The following PDE1C variants were observed in gnomAD, a reference collection of about 807,000 sequenced individuals.
PDE1C encodes the protein dual specificity calcium/calmodulin-dependent 3',5'-cyclic nucleotide phosphodiesterase 1C.
In PDE1C, 62 loss-of-function variants were observed where a neutral mutation model predicts 93.1. That is an observed-to-expected ratio of 0.67 (90% CI 0.54 to 0.82). The LOEUF (loss-of-function observed/expected upper bound fraction) is 0.82, where lower values mean the gene tolerates loss of function less well. Ranked by LOEUF, PDE1C falls within the 40% of genes least tolerant of loss-of-function variation. The pLI, the probability that PDE1C is intolerant of heterozygous loss-of-function variation, is 0.00. For missense variants in PDE1C, 742 were observed against 884.6 expected (o/e 0.84, Z 2.04); for synonymous variants, 325 against 310.1 (o/e 1.05, Z -0.50).
intron 1 of PDE1C, among the ~76,000 whole-genome samples, chr7:32,215,163 G>C (rs1806338501): frequency 6.6e-6 from 1 of 151,720 alleles, no homozygotes; most frequent in Non-Finnish European, 1.5e-5. Context: ...GTGCAGCGGG[G>C]ACCGAGCATC....
intron 1 of PDE1C, among the ~76,000 whole-genome samples, chr7:32,333,366 C>T (rs11764802): frequency 0.075 from 11,422 of 152,076 alleles, 492 homozygotes; most frequent in Non-Finnish European, 0.092. Context: ...TTTAAACAAG[C>T]GTATATGTAC....
intron 1 of PDE1C, among the ~76,000 whole-genome samples, chr7:32,306,811 A>G (rs1392745481): frequency 1.3e-5 from 2 of 152,226 alleles, no homozygotes; most frequent in Non-Finnish European, 2.9e-5. Context: ...TAAAACACAT[A>G]CAAGAGGACT....
the PDE1C span, among the ~76,000 whole-genome samples, chr7:31,637,386 T>C: frequency 1.3e-5 from 2 of 152,208 alleles, no homozygotes; most frequent in African/African-American, 4.8e-5. Flanking sequence ...CTCCACATCC[T>C]CTCCAGCACC....
At chr7:32,260,485 C>G in intron 1 of PDE1C, among the ~76,000 whole-genome samples, 1 of 152,246 alleles carries the variant, frequency 6.6e-6, no homozygotes, top group South Asian at 2.1e-4. Context: ...CACTTTGATT[C>G]TTTGTTTCAT....
intron 1 of PDE1C, among the ~76,000 whole-genome samples, chr7:32,410,748 C>T (rs1785152869): frequency 6.6e-6 from 1 of 152,158 alleles, no homozygotes; most frequent in Non-Finnish European, 1.5e-5. Context: ...TGTGCTCCCT[C>T]CATAGCACTG....
chr7:32,046,632 G>A (rs1162823181), intron 2 of PDE1C, among the ~76,000 whole-genome samples: 1 of 152,032 alleles, frequency 6.6e-6, no homozygotes, highest in Non-Finnish European at 1.5e-5. Context: ...TTTGTTAAAT[G>A]GAAGATTTTT....
chr7:31,762,987 C>T (rs1309703731), intron 17 of PDE1C, among the ~76,000 whole-genome samples: 1 of 152,128 alleles, frequency 6.6e-6, no homozygotes, highest in African/African-American at 2.4e-5. Flanking sequence ...CATCAGATTG[C>T]TTGGGGAGCT....
At chr7:31,628,570 G>C in the PDE1C span, among the ~76,000 whole-genome samples, 2 of 151,056 alleles carry the variant, frequency 1.3e-5, no homozygotes, top group Non-Finnish European at 2.9e-5. Context: ...CCATTCTCCT[G>C]CCTCAGCCTC....
intron 2 of PDE1C, among the ~76,000 whole-genome samples, chr7:32,198,177 G>T (rs1319447869): frequency 1.3e-5 from 2 of 152,128 alleles, no homozygotes; most frequent in African/African-American, 4.8e-5. Flanking sequence ...GAATGAGTTT[G>T]CCTGAAAGAT....
intron 2 of PDE1C, among the ~76,000 whole-genome samples, chr7:32,028,349 A>C (rs1789772154): frequency 6.6e-6 from 1 of 152,046 alleles, no homozygotes. Flanking sequence ...AAACACACAA[A>C]GTCTCTTCAT....
At chr7:32,066,454 G>C (rs1200855835) in intron 1 of PDE1C, among the ~76,000 whole-genome samples, 1 of 152,052 alleles carries the variant, frequency 6.6e-6, no homozygotes, top group African/African-American at 2.4e-5. Context: ...TCATAGTTGG[G>C]CAAAATAAAT....
chr7:31,924,602 T>C (rs66524120), intron 2 of PDE1C, among the ~76,000 whole-genome samples: 64,849 of 152,162 alleles, frequency 0.43, 15,641 homozygotes, highest in Non-Finnish European at 0.54. Context: ...TTCTTTCCAA[T>C]GTCATTTCCT....
At chr7:32,082,498 T>G (rs1484720208) in intron 3 of PDE1C, among the ~76,000 whole-genome samples, 1 of 152,194 alleles carries the variant, frequency 6.6e-6, no homozygotes, top group African/African-American at 2.4e-5. Flanking sequence ...TCTGACAGCT[T>G]TGAAGAGAGC....
chr7:32,112,023 C>T (rs1798669579), intron 3 of PDE1C, among the ~76,000 whole-genome samples: 1 of 152,158 alleles, frequency 6.6e-6, no homozygotes, highest in Non-Finnish European at 1.5e-5. Flanking sequence ...AGTTGTGAAA[C>T]CATAATTCTG....
intron 2 of PDE1C, among the ~76,000 whole-genome samples, chr7:32,017,965 T>C (rs1459972645): frequency 6.6e-6 from 1 of 151,570 alleles, no homozygotes; most frequent in Non-Finnish European, 1.5e-5. Context: ...CTGTGGTCCC[T>C]GCTACTTGGG....
intron 16 of PDE1C, among the ~76,000 whole-genome samples, chr7:31,796,943 A>C (rs1451287534): frequency 1.3e-5 from 2 of 151,768 alleles, no homozygotes; most frequent in Non-Finnish European, 2.9e-5. Context: ...ATAATATTAC[A>C]ACTCTCTCCT....
At chr7:31,790,215 G>A (rs755642248) in intron 16 of PDE1C, 4 of 1,612,122 alleles carry the variant, frequency 2.5e-6, no homozygotes, top group Non-Finnish European at 2.5e-6. Flanking sequence ...CAAGACACTG[G>A]CAGCCTCTTT....
At chr7:31,803,001 C>T (rs946368068) in intron 16 of PDE1C, among the ~76,000 whole-genome samples, 1 of 151,732 alleles carries the variant, frequency 6.6e-6, no homozygotes, top group African/African-American at 2.4e-5. Flanking sequence ...TATTTTTCCT[C>T]CTCTCTCCTC....
intron 17 of PDE1C, among the ~76,000 whole-genome samples, chr7:31,773,820 G>C (rs1467576700): frequency 6.6e-6 from 1 of 152,172 alleles, no homozygotes; most frequent in Non-Finnish European, 1.5e-5. Context: ...GAATAAGACA[G>C]TCCTCATCAT....
Sources: allele counts gnomAD v4.1 joint callset (sites outside exome capture counted in the v4.1 genomes callset), GRCh38; gene constraint gnomAD v4.1.1; transcripts MANE v1.5; gene names NCBI Gene and HGNC (gene_info 2026-07-23, HGNC 2026-07-21).